EYS: variants seen among roughly 807,000 people sequenced by gnomAD.
EYS encodes the protein EGF-like photoreceptor maintenance factor.
Under a neutral mutation model 282.1 loss-of-function variants are expected in EYS, and 250 were observed. The ratio of observed to expected loss-of-function variants is 0.89; its 90% CI spans 0.80 to 0.98. The LOEUF (loss-of-function observed/expected upper bound fraction) is 0.98, where lower values mean the gene tolerates loss of function less well. Ranked by LOEUF, EYS falls within the 50% of genes least tolerant of loss-of-function variation. The probability of loss-of-function intolerance (pLI) is 0.00; values close to 1 mark genes in which losing one functional copy is unlikely to be tolerated. For synonymous variants in EYS, 1,355 were observed against 1,282.9 expected, an observed-to-expected ratio of 1.06 and a Z score of -1.20; for missense variants, 4,016 against 3,709.0, an observed-to-expected ratio of 1.08 and a Z score of -2.15.
intron 28 of EYS, among the ~76,000 whole-genome samples, chr6:64,425,821 A>G (rs1774390043): frequency 6.6e-6 from 1 of 152,138 alleles, no homozygotes; most frequent in East Asian, 1.9e-4. Context: ...TTATATAGGT[A>G]GACAATAGTG....
At chr6:65,353,370 ATACTT>A in intron 9 of EYS, 83 bp downstream of exon 9, 2 of 1,121,228 alleles carry the variant, frequency 1.8e-6, no homozygotes, top group South Asian at 2.6e-5. Flanking sequence ...GAGATATAAA[ATACTT>A]TGTGTGTTTA....
At chr6:65,567,471 T>C (rs1285867734) in intron 2 of EYS, among the ~76,000 whole-genome samples, 1 of 151,822 alleles carries the variant, frequency 6.6e-6, no homozygotes, top group South Asian at 2.1e-4. Flanking sequence ...CTAAACTCTG[T>C]AGTCTAAAAA....
chr6:65,505,538 A>G, intron 2 of EYS, among the ~76,000 whole-genome samples: 1 of 152,046 alleles, frequency 6.6e-6, no homozygotes, highest in East Asian at 1.9e-4. Context: ...TTAATGTTAT[A>G]CGTTTGTCTC....
intron 31 of EYS, among the ~76,000 whole-genome samples, chr6:64,092,859 T>G (rs1324354547): frequency 6.6e-6 from 1 of 151,674 alleles, no homozygotes; most frequent in Admixed American, 6.6e-5. Context: ...ATTGCCTAGG[T>G]TTTCTTCTAG....
At chr6:64,571,629 A>G (rs1356220060) in intron 26 of EYS, among the ~76,000 whole-genome samples, 1 of 152,222 alleles carries the variant, frequency 6.6e-6, no homozygotes, top group Non-Finnish European at 1.5e-5. Context: ...ACAAACTACC[A>G]TCAGAGAATG....
intron 26 of EYS, among the ~76,000 whole-genome samples, chr6:64,511,119 AT>A (rs901073156): frequency 4.0e-5 from 6 of 149,996 alleles, no homozygotes; most frequent in Non-Finnish European, 8.9e-5. Context: ...AATAAAAAAA[AT>A]CACTAAAATC....
intron 2 of EYS, among the ~76,000 whole-genome samples, chr6:65,566,412 TAAC>T (rs1310692741): frequency 1.3e-5 from 2 of 151,704 alleles, no homozygotes; most frequent in Non-Finnish European, 2.9e-5. Context: ...GAACAGGAAA[TAAC>T]AATTCTTTAA....
At chr6:64,534,907 T>C (rs531972512) in intron 26 of EYS, among the ~76,000 whole-genome samples, 3 of 152,240 alleles carry the variant, frequency 2.0e-5, no homozygotes, top group African/African-American at 4.8e-5. Context: ...GACATCCAAT[T>C]TGCACACAAA....
At chr6:64,479,533 C>A (rs1413210171) in intron 26 of EYS, among the ~76,000 whole-genome samples, 1 of 151,968 alleles carries the variant, frequency 6.6e-6, no homozygotes, top group Non-Finnish European at 1.5e-5. Context: ...ATGCATCATT[C>A]CCTGAACTAT....
intron 35 of EYS, among the ~76,000 whole-genome samples, chr6:63,875,461 G>A (rs1299768410): frequency 6.6e-6 from 1 of 152,092 alleles, no homozygotes; most frequent in Non-Finnish European, 1.5e-5. Flanking sequence ...GGCCAGGCAT[G>A]GTATCAGGAT....
chr6:65,084,003 A>G (rs1024578685), intron 12 of EYS, among the ~76,000 whole-genome samples: 2 of 151,874 alleles, frequency 1.3e-5, no homozygotes, highest in Admixed American at 1.3e-4. Context: ...TAAATAAAAT[A>G]TGCTGAAAAA....
chr6:64,072,422 T>C lies in EYS; in HGVS notation c.6572-5931A>G, dbSNP rs376369233. Among the ~76,000 whole-genome samples the C allele has an allele frequency of 1.1e-4, 17 of 152,026 alleles. No homozygotes were observed. In the East Asian group the frequency reaches 2.9e-3, roughly 26 times the overall value. ...ACTCTTTAGTATTTTTTTCTTATTT[T>C]TCCCATGGCTTCCTATTCAGCTGAT... On this transcript the variant is annotated intron_variant, in intron 32 of 42. Coordinates refer to ENST00000503581, the MANE Select transcript of EYS (RefSeq NM_001142800.2).
intron 26 of EYS, among the ~76,000 whole-genome samples, chr6:64,589,718 A>G (rs1766339019): frequency 6.6e-6 from 1 of 152,022 alleles, no homozygotes; most frequent in African/African-American, 2.4e-5. Context: ...TTATATTCTG[A>G]ATTATATAAA....
intron 12 of EYS, among the ~76,000 whole-genome samples, chr6:65,087,332 A>G (rs745875703): frequency 3.3e-5 from 5 of 151,984 alleles, no homozygotes; most frequent in Admixed American, 1.3e-4. Flanking sequence ...CAAAATGACT[A>G]TTTTGTTTAG....
At chr6:65,260,407 T>C (rs1224548715) in intron 12 of EYS, among the ~76,000 whole-genome samples, 2 of 152,104 alleles carry the variant, frequency 1.3e-5, no homozygotes, top group African/African-American at 4.8e-5. Flanking sequence ...TTTATTTCTG[T>C]TGTTTCATTT....
At chr6:64,269,088 G>A (rs889231767) in intron 30 of EYS, among the ~76,000 whole-genome samples, 5 of 152,074 alleles carry the variant, frequency 3.3e-5, no homozygotes, top group Non-Finnish European at 1.5e-5. Flanking sequence ...CTTTCAAAGA[G>A]AGCAAAAGGT....
intron 29 of EYS, among the ~76,000 whole-genome samples, chr6:64,382,908 GA>G (rs113987501): frequency 0.023 from 3,535 of 152,238 alleles, 110 homozygotes; most frequent in African/African-American, 0.073. Flanking sequence ...GGTGGGAAAA[GA>G]GGTTTCCTTC....
chr6:64,641,483 A>T (rs1398592177), intron 22 of EYS, among the ~76,000 whole-genome samples: 3 of 152,192 alleles, frequency 2.0e-5, no homozygotes, highest in Non-Finnish European at 4.4e-5. Context: ...CAGTAAGAAG[A>T]CCAAATCAAT....
At chr6:65,511,341 C>CTG (rs202062196) in intron 2 of EYS, among the ~76,000 whole-genome samples, 402 of 148,650 alleles carry the variant, frequency 2.7e-3, no homozygotes, top group Non-Finnish European at 3.0e-3. Flanking sequence ...CAAATGCATT[C>CTG]TGTGTGTGTG....
Sources: gnomAD v4.1 joint callset for allele counts (sites outside exome capture counted in the v4.1 genomes callset) on GRCh38, gnomAD v4.1.1 for gene constraint, MANE v1.5 for transcripts, NCBI Gene and HGNC (gene_info 2026-07-23, HGNC 2026-07-21) for gene names.